The following ARHGAP30 variants were observed in gnomAD, a reference collection of about 807,000 sequenced individuals.
ARHGAP30 encodes rho GTPase-activating protein 30.
Under a neutral mutation model 72.0 loss-of-function variants are expected in ARHGAP30, and 23 were observed. The observed-to-expected ratio is 0.32, with a 90% CI of 0.23 to 0.45. The LOEUF (loss-of-function observed/expected upper bound fraction) is 0.45. ARHGAP30 is among the 20% of genes least tolerant of loss of function. The pLI, the probability that ARHGAP30 is intolerant of heterozygous loss-of-function variation, is 1.00. For missense variants in ARHGAP30, 1,319 were observed against 1,383.4 expected, an observed-to-expected ratio of 0.95 and a Z score of 0.74; for synonymous variants, 576 against 528.2, an observed-to-expected ratio of 1.09 and a Z score of -1.24.
chr1:161,056,074 C>T (rs1425643086), intron 3 of ARHGAP30, among the ~76,000 whole-genome samples: 2 of 150,714 alleles, frequency 1.3e-5, no homozygotes, highest in African/African-American at 2.4e-5. Flanking sequence ...ACATGCTTTC[C>T]AAGGCCCTTC....
intron 5 of ARHGAP30, 106 bp downstream of exon 5, chr1:161,054,260 A>G: frequency 9.6e-7 from 1 of 1,037,654 alleles, no homozygotes; most frequent in Non-Finnish European, 1.5e-6. Context: ...TGTGAGCCCT[A>G]CACCCTTCTC....
At chr1:161,049,738 C>G (rs374534204) in intron 10 of ARHGAP30, 49 bp from the exon 11 acceptor site, 19 of 1,579,012 alleles carry the variant, frequency 1.2e-5, no homozygotes, top group Non-Finnish European at 1.6e-5. Flanking sequence ...AGCCCTGACC[C>G]TTTTCAGTGT....
In ARHGAP30 at chr1:161,053,327, C is replaced by T. The variant is rs201430715; in HGVS notation, c.595G>A (p.Val199Ile). Reference protein sequence around the residue: ...NGTAAFMEVRVQSIVVEFILT... With the variant: ...NGTAAFMEVRIQSIVVEFILT... ...ATGAACTCCACGACGATGGATTGTA[C>T]CCGCACCTCCATGAAGGCCGCTGTC... The change falls in exon 6 of 12, where the codon GTA becomes ATA. Residue 199 changes from valine to isoleucine, a missense_variant. By Grantham distance (29) the Val-to-Ile change is conservative. Around this residue, in one of 2 missense-constraint regions of ARHGAP30, gnomAD observed 222 missense variants for 338.2 expected, o/e 0.66. Coordinates refer to ENST00000368013, the MANE Select transcript of ARHGAP30 (RefSeq NM_001025598.2). The T allele has an allele frequency of 6.2e-7, 1 of 1,614,038 alleles. No individual in the cohort carries two copies. The highest frequency in any genetic ancestry group is 1.3e-5 in the African/African-American group (1 of 75,026).
At chr1:161,065,990 G>A (rs147678401) in intron 1 of ARHGAP30, among the ~76,000 whole-genome samples, 7,238 of 151,412 alleles carry the variant, frequency 0.048, 226 homozygotes, top group Non-Finnish European at 0.072. Context: ...TCAGCCTCCC[G>A]AGTAGCTGGG....
In ARHGAP30 at chr1:161,047,776, G is replaced by C; in HGVS notation, c.3245C>G (p.Ser1082Cys). The change falls in exon 12 of 12, where the codon TCT becomes TGT. Residue 1082 changes from serine to cysteine, a missense_variant. By Grantham distance (112) the Ser-to-Cys change is moderately radical (BLOSUM62 -1). Around this residue, in one of 2 missense-constraint regions of ARHGAP30, gnomAD observed 1,097 missense variants for 1,045.2 expected, o/e 1.05. Coordinates refer to ENST00000368013, the MANE Select transcript of ARHGAP30 (RefSeq NM_001025598.2). ...EPQVPDPLLS[S>C]QRRSYAFETQ... is the part of the protein sequence containing the mutation. ...TTCAAATGCATATGACCTGCGCTGA[G>C]AGGACAACAGGGGGTCAGGAACCTG... 6.3e-7 allele frequency: 1 copy of C among 1,583,398 alleles called. No individual in the cohort carries two copies. The highest frequency in any genetic ancestry group is 8.6e-7 in the Non-Finnish European group (1 of 1,167,790).
At chr1:161,067,842 T>C (rs1652879992) in intron 1 of ARHGAP30, among the ~76,000 whole-genome samples, 1 of 152,176 alleles carries the variant, frequency 6.6e-6, no homozygotes, top group South Asian at 2.1e-4. Context: ...TCTCTGTCCT[T>C]CCTTCCACTT....
Position 161,048,439 on chromosome 1 carries a change from A to AG in ARHGAP30, c.2581dup (p.Leu861ProfsTer3), listed in dbSNP as rs1442739433. The AG allele has an allele frequency of 6.2e-7, 1 of 1,614,102 alleles. No individual in the cohort carries two copies. Among genetic ancestry groups the AG allele is most frequent in the East Asian group, 2.2e-5 (1 of 44,872 alleles). ...GGACGCTACACCTGAACCTTCAGAG[A>AG]GGGTGTCCTCTTCTAAATAGTACCC... On this transcript the variant is annotated frameshift_variant, in exon 12 of 12. Coordinates refer to ENST00000368013, the MANE Select transcript of ARHGAP30 (RefSeq NM_001025598.2). LOFTEE classifies it high-confidence loss of function.
At chr1:161,057,375 A>G (rs576645638) in intron 2 of ARHGAP30, among the ~76,000 whole-genome samples, 1 of 152,240 alleles carries the variant, frequency 6.6e-6, no homozygotes, top group Admixed American at 6.5e-5. Flanking sequence ...AAAGGGGGAA[A>G]AAATGGGCAA....
At chr1:161,067,327 CTTTG>C (rs1186331645) in intron 1 of ARHGAP30, among the ~76,000 whole-genome samples, 1 of 152,148 alleles carries the variant, frequency 6.6e-6, no homozygotes, top group Non-Finnish European at 1.5e-5. Flanking sequence ...AATCCCAGCA[CTTTG>C]GGAGGCCGAG....
Position 161,048,655 on chromosome 1 carries a change from TG to T in ARHGAP30, c.2365del (p.Gln789LysfsTer68), listed in dbSNP as rs1332739617. 1 of 1,614,180 alleles carries T rather than the reference TG, an allele frequency of 6.2e-7. No individual in the cohort carries two copies. The highest frequency in any genetic ancestry group is 8.5e-7 in the Non-Finnish European group (1 of 1,180,030). On this transcript the variant is annotated frameshift_variant, in exon 12 of 12. Coordinates refer to ENST00000368013, the MANE Select transcript of ARHGAP30 (RefSeq NM_001025598.2). LOFTEE classifies it low-confidence loss of function (END_TRUNC). ...AEEKWEVVQK[Q>X]EAEGVREDED... Reference sequence around the variant, plus strand: ...ATCCTCTCTGACTCCCTCAGCCTCTTGTTTCTGTACAACTTCCCATTTCTCC... The same window carrying T: ...ATCCTCTCTGACTCCCTCAGCCTCTTTTTCTGTACAACTTCCCATTTCTCC...
At chr1:161,065,532 C>CTTTTTCTTTTTTCTTTTTCT (rs1318110098) in intron 1 of ARHGAP30, among the ~76,000 whole-genome samples, 1 of 151,732 alleles carries the variant, frequency 6.6e-6, no homozygotes, top group East Asian at 1.9e-4. Context: ...CCAATCTTTC[C>CTTTTTCTTTTTTCTTTTTCT]TTTTTCTTTT....
chr1:161,047,697 C>T lies in ARHGAP30; in HGVS notation c.*18G>A, dbSNP rs956759388. 1.7e-5 allele frequency: 26 copies of T among 1,506,376 alleles called. No individual in the cohort carries two copies. In the Middle Eastern group the frequency reaches 7.2e-4, roughly 42 times the overall value. The allele number at this position is 1,506,376 out of a possible 1,614,324, so 93.3% of individuals were successfully genotyped here. On this transcript the variant is annotated 3_prime_UTR_variant, in exon 12 of 12. Coordinates refer to ENST00000368013, the MANE Select transcript of ARHGAP30 (RefSeq NM_001025598.2). ...AAGACAACTTGCTGGTCCCCTTTGCCCAGGGCTGTGGTCCTAATCACAGTC... is the reference window on the plus strand; with the variant it reads ...AAGACAACTTGCTGGTCCCCTTTGCTCAGGGCTGTGGTCCTAATCACAGTC...
chr1:161,051,931 CCCTT>C (rs1184755660), intron 9 of ARHGAP30, among the ~76,000 whole-genome samples: 2 of 151,610 alleles, frequency 1.3e-5, no homozygotes, highest in African/African-American at 2.4e-5. Flanking sequence ...CTAGGGAACT[CCCTT>C]CCTTCCCTGC....
At chr1:161,054,825 C>T (rs1370845879) in intron 3 of ARHGAP30, 120 bp from the exon 4 acceptor site, 1 of 836,274 alleles carries the variant, frequency 1.2e-6, no homozygotes, top group Non-Finnish European at 2.0e-6. Context: ...CTACCCCATC[C>T]TACATCATCT....
At position 161,048,358 on chromosome 1, in the gene ARHGAP30, A is replaced by C. The variant is rs771113732; in HGVS notation, c.2663T>G (p.Val888Gly). ...CTCTGGCTGAGGTGGCTGTGGGGCTACCTCTTCCATCTCAGAAGAGTGAGG... is the reference window on the plus strand; with the variant it reads ...CTCTGGCTGAGGTGGCTGTGGGGCTCCCTCTTCCATCTCAGAAGAGTGAGG... ...GNPHSSEMEE[V>G]APQPPQPEEM... The change falls in exon 12 of 12, where the codon GTA (valine) becomes GGA (glycine). Residue 888 changes from valine to glycine, a missense_variant. This residue lies in a region of ARHGAP30 where 1,097 missense variants were observed against 1,045.2 expected (regional missense o/e 1.05). Coordinates refer to ENST00000368013, the MANE Select transcript of ARHGAP30 (RefSeq NM_001025598.2). The C allele has an allele frequency of 3.7e-6, 6 of 1,614,066 alleles. No individual in the cohort carries two copies. In the Admixed American group the frequency reaches 1.0e-4, roughly 27 times the overall value.
chr1:161,048,573 A>C lies in ARHGAP30; in HGVS notation c.2448T>G (p.Asp816Glu), dbSNP rs1367102460. Residue 816 changes from aspartate (D) to glutamate (E), a missense_variant, in exon 12 of 12, where the codon GAT (aspartate) becomes GAG (glutamate). Physicochemically the swap from Asp to Glu is conservative, Grantham distance 45. Coordinates refer to ENST00000368013, the MANE Select transcript of ARHGAP30 (RefSeq NM_001025598.2). ...CTTCTGGGCTTCTGCTGTCTTCACC[A>C]TCTCCTTGGTCTTTTCTTGCTTCAT... is the stretch of plus-strand genomic sequence containing the variant. ...GYHEARKDQG[D>E]GEDSRSPEAA... 6.2e-7 allele frequency: 1 copy of C among 1,612,952 alleles called. No individual in the cohort carries two copies. Among genetic ancestry groups the C allele is most frequent in the East Asian group, 2.2e-5 (1 of 44,834 alleles).
chr1:161,067,727 G>A (rs1652869497), intron 1 of ARHGAP30, among the ~76,000 whole-genome samples: 1 of 152,148 alleles, frequency 6.6e-6, no homozygotes, highest in African/African-American at 2.4e-5. Flanking sequence ...TGGGGATGGG[G>A]GAGACCAACG....
At chr1:161,063,809 C>T (rs182735802) in intron 1 of ARHGAP30, among the ~76,000 whole-genome samples, 6 of 152,266 alleles carry the variant, frequency 3.9e-5, no homozygotes, top group Admixed American at 2.6e-4. Flanking sequence ...AACGCCCCCC[C>T]CACCGGGGCG....
In ARHGAP30 at chr1:161,053,503, TCTC is replaced by T. The variant is rs1557923781; in HGVS notation, c.537-121_537-119del. 297 of 797,728 alleles carry T rather than the reference TCTC, an allele frequency of 3.7e-4. 5 individuals are homozygous for T. In the African/African-American group the frequency reaches 0.021, roughly 57 times the overall value. 49.4% of individuals were successfully genotyped at this position (797,728 alleles called of 1,614,324 possible). Reference sequence around the variant, plus strand: ...CTCTCTCTCTCTCTCTCTCTCTCTCTCTCGAATGACCTTAACCCCTTCTCTACC... The same window carrying T: ...CTCTCTCTCTCTCTCTCTCTCTCTCTGAATGACCTTAACCCCTTCTCTACC... On this transcript the variant is annotated intron_variant, in intron 5 of 11. Coordinates refer to ENST00000368013, the MANE Select transcript of ARHGAP30 (RefSeq NM_001025598.2).
Sources: allele counts gnomAD v4.1 joint callset (sites outside exome capture counted in the v4.1 genomes callset), GRCh38; gene constraint gnomAD v4.1.1; regional missense constraint gnomAD v4.1.1; transcripts MANE v1.5; gene names NCBI Gene and HGNC (gene_info 2026-07-23, HGNC 2026-07-21).